BCAR3: variants seen among roughly 807,000 people sequenced by gnomAD.
BCAR3 encodes BCAR3 adaptor protein, NSP family member.
A neutral mutation model predicts 80.1 loss-of-function variants in BCAR3; 37 were observed. The ratio of observed to expected loss-of-function variants is 0.46; its 90% CI spans 0.36 to 0.61. The LOEUF (loss-of-function observed/expected upper bound fraction) is 0.61, where lower values mean the gene tolerates loss of function less well. Ranked by LOEUF, BCAR3 falls within the 20% of genes least tolerant of loss-of-function variation. The pLI is 0.00. For missense variants in BCAR3, 978 were observed against 1,068.2 expected, an observed-to-expected ratio of 0.92 and a Z score of 1.18; for synonymous variants, 389 against 418.9, an observed-to-expected ratio of 0.93 and a Z score of 0.87.
intron 1 of BCAR3, chr1:93,845,847 A>G (rs1422142413): frequency 6.6e-6 from 1 of 152,136 alleles, no homozygotes; most frequent in Non-Finnish European, 1.5e-5. Flanking sequence ...CGTTCCTGTG[A>G]GAACTGGGGT....
At chr1:93,816,425 C>T (rs1462087117) in intron 2 of BCAR3, among the ~76,000 whole-genome samples, 1 of 152,038 alleles carries the variant, frequency 6.6e-6, no homozygotes, top group Non-Finnish European at 1.5e-5. Context: ...TGAATCCCAG[C>T]ACTTTGGGAG....
At chr1:93,595,559 T>C (rs962372854) in intron 3 of BCAR3, among the ~76,000 whole-genome samples, 3 of 152,210 alleles carry the variant, frequency 2.0e-5, no homozygotes, top group African/African-American at 7.2e-5. Context: ...AGTGGTTATT[T>C]TGGGAGTGGA....
At chr1:93,771,319 A>G (rs1652349827) in intron 2 of BCAR3, among the ~76,000 whole-genome samples, 1 of 152,194 alleles carries the variant, frequency 6.6e-6, no homozygotes, top group Non-Finnish European at 1.5e-5. Flanking sequence ...TGAATTTTAT[A>G]CATGGAATTC....
At chr1:93,587,896 C>T (rs1001853142) in intron 5 of BCAR3, among the ~76,000 whole-genome samples, 1 of 152,072 alleles carries the variant, frequency 6.6e-6, no homozygotes, top group East Asian at 1.9e-4. Flanking sequence ...CTGTGAAAGA[C>T]GGGCCCTATA....
chr1:93,568,048 T>C, intron 9 of BCAR3, 197 bp from the exon 10 acceptor site: 1 of 474,486 alleles, frequency 2.1e-6, no homozygotes, highest in South Asian at 2.1e-5. Flanking sequence ...TAGCCAGGCG[T>C]GGTGGCGTGT....
At chr1:93,585,635 G>A (rs991587243) in intron 5 of BCAR3, among the ~76,000 whole-genome samples, 6 of 152,102 alleles carry the variant, frequency 3.9e-5, no homozygotes, top group Admixed American at 3.3e-4. Flanking sequence ...CAGAAGAAAA[G>A]GTACCCCTTC....
At chr1:93,653,785 C>T (rs781452126) in intron 2 of BCAR3, among the ~76,000 whole-genome samples, 66 of 152,070 alleles carry the variant, frequency 4.3e-4, no homozygotes, top group Non-Finnish European at 8.1e-4. Context: ...GTGAAGAAGC[C>T]CCACATGGGG....
At chr1:93,743,870 A>G (rs1651263787) in intron 2 of BCAR3, among the ~76,000 whole-genome samples, 1 of 152,212 alleles carries the variant, frequency 6.6e-6, no homozygotes. Flanking sequence ...TGTTTCTTAA[A>G]AAGAAAGGTT....
At chr1:93,588,795 A>G (rs1335128219) in intron 5 of BCAR3, among the ~76,000 whole-genome samples, 182 bp downstream of exon 5, 1 of 151,762 alleles carries the variant, frequency 6.6e-6, no homozygotes, top group Non-Finnish European at 1.5e-5. Flanking sequence ...TGTACCATTC[A>G]TTGCTGACAC....
Position 93,638,170 on chromosome 1 carries a change from A to C in BCAR3, c.357+4134T>G, listed in dbSNP as rs181407559. On this transcript the variant is annotated intron_variant, in intron 3 of 11. Coordinates refer to ENST00000260502, the MANE Select transcript of BCAR3 (RefSeq NM_003567.4). Reference sequence around the variant, plus strand: ...AGGCTGAGGCAGGATAATCGCTTGAACCTGAGAGGCGGAGGTTGCAGTGAG... The same window carrying C: ...AGGCTGAGGCAGGATAATCGCTTGACCCTGAGAGGCGGAGGTTGCAGTGAG... Among the ~76,000 whole-genome samples, 599 of 152,166 alleles carry C rather than the reference A, an allele frequency of 3.9e-3. 9 individuals carry two copies. Among genetic ancestry groups the C allele is most frequent in the African/African-American group, 0.014 (583 of 41,486 alleles).
Position 93,633,865 on chromosome 1 carries a change from C to T in BCAR3, c.357+8439G>A, listed in dbSNP as rs142842609. Among the ~76,000 whole-genome samples the T allele has an allele frequency of 8.8e-3, 1,346 of 152,338 alleles. 16 individuals are homozygous for T. The highest frequency in any genetic ancestry group is 0.034 in the Middle Eastern group (10 of 294). Reference sequence around the variant, plus strand: ...ATGTTGGCCAAGCTGGTCTCGAACTCCTGACCTTGTGATCCGCCTGCCTCG... The same window carrying T: ...ATGTTGGCCAAGCTGGTCTCGAACTTCTGACCTTGTGATCCGCCTGCCTCG... On this transcript the variant is annotated intron_variant, in intron 3 of 11. Transcript: ENST00000260502.
chr1:93,574,869 C>G (rs1673384136), intron 8 of BCAR3, among the ~76,000 whole-genome samples: 2 of 152,218 alleles, frequency 1.3e-5, no homozygotes, highest in African/African-American at 2.4e-5. Flanking sequence ...TATTCCCGAA[C>G]AAAATCCGCA....
chr1:93,591,195 C>T (rs868092222), intron 4 of BCAR3, among the ~76,000 whole-genome samples: 99 of 109,730 alleles, frequency 9.0e-4, no homozygotes, highest in African/African-American at 4.3e-3. Context: ...AAAAAAAAGC[C>T]TGGGCACAGT....
At chr1:93,774,621 T>C (rs1652480494) in intron 2 of BCAR3, among the ~76,000 whole-genome samples, 1 of 152,196 alleles carries the variant, frequency 6.6e-6, no homozygotes, top group African/African-American at 2.4e-5. Context: ...CCTGTCCCTA[T>C]GGTCTAACAA....
At chr1:93,822,260 C>T (rs1654251204) in intron 2 of BCAR3, among the ~76,000 whole-genome samples, 1 of 149,768 alleles carries the variant, frequency 6.7e-6, no homozygotes, top group African/African-American at 2.5e-5. Flanking sequence ...TCACTGCAAC[C>T]TCCACCTCCC....
chr1:93,589,042 C>T lies in BCAR3; in HGVS notation c.864G>A (p.Arg288=). ...GGACGCCACCCATGGTGAGGCTCAG[C>T]CTCTTGGCCACATCCGGCCTTCCCT... The part of the protein sequence containing the change: ...LTKGRPDVAK[R]LSLTMGGVQA... The change falls in exon 5 of 12, where the codon AGG becomes AGA. Residue 288 remains arginine, a synonymous_variant. Transcript: ENST00000260502. The T allele has an allele frequency of 6.2e-7, 1 of 1,609,292 alleles. No individual in the cohort carries two copies. Among genetic ancestry groups the T allele is most frequent in the East Asian group, 2.2e-5 (1 of 44,728 alleles).
intron 2 of BCAR3, among the ~76,000 whole-genome samples, chr1:93,844,702 T>A (rs1303145329): frequency 6.8e-6 from 1 of 147,556 alleles, no homozygotes; most frequent in Non-Finnish European, 1.5e-5. Context: ...GTGACTTTCT[T>A]CTTTTTTTTT....
intron 2 of BCAR3, among the ~76,000 whole-genome samples, chr1:93,741,788 C>T (rs1651188255): frequency 6.6e-6 from 1 of 152,186 alleles, no homozygotes; most frequent in African/African-American, 2.4e-5. Context: ...CCAGGCTGGT[C>T]TCATACTCCT....
intron 3 of BCAR3, among the ~76,000 whole-genome samples, chr1:93,687,722 C>T (rs993987084): frequency 1.3e-5 from 2 of 152,198 alleles, no homozygotes; most frequent in African/African-American, 4.8e-5. Flanking sequence ...GAGCACTCAA[C>T]CTGGAGTTGA....
Sources: gnomAD v4.1 joint callset for allele counts (sites outside exome capture counted in the v4.1 genomes callset) on GRCh38, gnomAD v4.1.1 for gene constraint, MANE v1.5 for transcripts, NCBI Gene and HGNC (gene_info 2026-07-23, HGNC 2026-07-21) for gene names.